The following GPR39 variants were observed in gnomAD, a reference collection of about 807,000 sequenced individuals.
GPR39 encodes the protein zinc sensing receptor.
GPR39 carries 23 observed loss-of-function variants against 18.4 expected under a neutral mutation model. The observed-to-expected ratio is 1.25, with a 90% CI of 0.90 to 1.77. GPR39 has a LOEUF of 1.77. Among genes scored for constraint, GPR39 ranks in the 40% most tolerant of loss-of-function variants. GPR39 has a pLI of 0.00. For missense variants in GPR39, 647 were observed against 602.4 expected (o/e 1.07, Z -0.78); for synonymous variants, 280 against 257.9 (o/e 1.09, Z -0.82).
intron 1 of GPR39, among the ~76,000 whole-genome samples, chr2:132,636,319 G>C (rs536524553): frequency 6.6e-6 from 1 of 152,322 alleles, no homozygotes; most frequent in South Asian, 2.1e-4. Flanking sequence ...GGTTGGGTTG[G>C]AAGGCCAGGC....
At chr2:132,566,833 G>A (rs904014971) in intron 1 of GPR39, among the ~76,000 whole-genome samples, 7 of 152,130 alleles carry the variant, frequency 4.6e-5, no homozygotes, top group Non-Finnish European at 1.0e-4. Flanking sequence ...TTCCCTCCAA[G>A]GCCTTTTCCT....
Position 132,481,901 on chromosome 2 carries a change from T to G in GPR39, c.856+64003T>G, listed in dbSNP as rs116151336. ...TTGTCAGGAAATACTTCCTTGAAGATTAAAGCTATAATTCAGAATCTAAGT... is the reference window on the plus strand; with the variant it reads ...TTGTCAGGAAATACTTCCTTGAAGAGTAAAGCTATAATTCAGAATCTAAGT... On this transcript the variant is annotated intron_variant, in intron 1 of 1. Transcript: ENST00000329321. Among the ~76,000 whole-genome samples, 1,304 of 152,306 alleles carry G rather than the reference T, an allele frequency of 8.6e-3. 23 individuals carry two copies. Among genetic ancestry groups the G allele is most frequent in the African/African-American group, 0.03 (1,232 of 41,550 alleles).
chr2:132,600,972 T>C (rs962990782), intron 1 of GPR39, among the ~76,000 whole-genome samples: 2 of 152,166 alleles, frequency 1.3e-5, no homozygotes, highest in Admixed American at 1.3e-4. Flanking sequence ...ATCTCCAGTG[T>C]CCAGAATATG....
rs138820471 is a variant in GPR39, at chr2:132,448,424, A to G, written c.856+30526A>G. ...TTTGAATTTTCACTTAGGCACATGC[A>G]GAGGCAAAGAGGTCTCCTGTCCATG... On this transcript the variant is annotated intron_variant, in intron 1 of 1. Coordinates refer to ENST00000329321, the MANE Select transcript of GPR39 (RefSeq NM_001508.3). Among the ~76,000 whole-genome samples, 706 of 152,340 alleles carry G rather than the reference A, an allele frequency of 4.6e-3. 9 individuals carry two copies. The highest frequency in any genetic ancestry group is 0.017 in the African/African-American group (688 of 41,590).
rs1553451716 is a variant in GPR39 at position 132,493,161 on chromosome 2, C to CATATATACACCATATATACACCAT, written c.856+75292_856+75315dup. ...ATATATATACATTCCATATATATAC[C>CATATATACACCATATATACACCAT]ATATATACACCATATATACACCATA... On this transcript the variant is annotated intron_variant, in intron 1 of 1. Coordinates refer to ENST00000329321, the MANE Select transcript of GPR39 (RefSeq NM_001508.3). 4.3e-3 allele frequency among the ~76,000 whole-genome samples: 578 copies of CATATATACACCATATATACACCAT among 134,620 alleles called. 12 individuals carry two copies. The highest frequency in any genetic ancestry group is 0.015 in the African/African-American group (522 of 34,584). The allele number at this position is 134,620 out of a possible 152,430, so 88.3% of individuals were successfully genotyped here.
At chr2:132,455,445 T>A (rs1318096383) in intron 1 of GPR39, among the ~76,000 whole-genome samples, 2 of 152,194 alleles carry the variant, frequency 1.3e-5, no homozygotes, top group Non-Finnish European at 2.9e-5. Flanking sequence ...CCTGGAGTCA[T>A]TGAATTTTGA....
intron 1 of GPR39, among the ~76,000 whole-genome samples, chr2:132,453,330 T>C (rs1393937010): frequency 6.6e-6 from 1 of 152,228 alleles, no homozygotes; most frequent in Non-Finnish European, 1.5e-5. Flanking sequence ...TGGGGTTGTT[T>C]GTTTTTTACT....
At chr2:132,488,490 C>T (rs1681388441) in intron 1 of GPR39, 1 of 153,810 alleles carries the variant, frequency 6.5e-6, no homozygotes, top group South Asian at 2.1e-4. Flanking sequence ...GCTGGAATTT[C>T]ATATCCTTTT....
At chr2:132,474,432 A>C (rs960197325) in intron 1 of GPR39, among the ~76,000 whole-genome samples, 3 of 152,160 alleles carry the variant, frequency 2.0e-5, no homozygotes, top group African/African-American at 7.2e-5. Flanking sequence ...GGACGTGGCT[A>C]ATATATGCTT....
At chr2:132,471,821 A>G (rs1298614409) in intron 1 of GPR39, among the ~76,000 whole-genome samples, 3 of 152,118 alleles carry the variant, frequency 2.0e-5, no homozygotes, top group South Asian at 2.1e-4. Flanking sequence ...GTGTGAGACA[A>G]TGTTTTCGGT....
chr2:132,416,999 A>T lies in GPR39; in HGVS notation c.-44A>T. 6.3e-7 allele frequency: 1 copy of T among 1,589,834 alleles called. No homozygotes were observed. The highest frequency in any genetic ancestry group is 8.6e-7 in the Non-Finnish European group (1 of 1,166,730). On this transcript the variant is annotated 5_prime_UTR_variant, in exon 1 of 2. The change creates a premature stop within an existing upstream ORF in the 5' untranslated region. Coordinates refer to ENST00000329321, the MANE Select transcript of GPR39 (RefSeq NM_001508.3). ...TGGACGCTGCTGGGAGGAGAAAGGG[A>T]AGTTGAGAAAGTCTTTGGACCTGGT...
chr2:132,453,458 T>C (rs1479752670), intron 1 of GPR39, among the ~76,000 whole-genome samples: 2 of 152,224 alleles, frequency 1.3e-5, no homozygotes, highest in African/African-American at 2.4e-5. Flanking sequence ...GTAGTTTCTT[T>C]TGCTGTGCAG....
intron 1 of GPR39, among the ~76,000 whole-genome samples, chr2:132,545,717 C>T: frequency 6.6e-6 from 1 of 151,378 alleles, no homozygotes; most frequent in East Asian, 1.9e-4. Context: ...TTCTTCTCCA[C>T]TTTCAATGCA....
At chr2:132,593,769 G>T (rs573728445) in intron 1 of GPR39, among the ~76,000 whole-genome samples, 1 of 152,214 alleles carries the variant, frequency 6.6e-6, no homozygotes, top group African/African-American at 2.4e-5. Context: ...CTGGTTGGAG[G>T]ATGAAAACTT....
At chr2:132,542,165 A>G (rs1679871897) in intron 1 of GPR39, among the ~76,000 whole-genome samples, 3 of 152,194 alleles carry the variant, frequency 2.0e-5, no homozygotes, top group African/African-American at 7.2e-5. Context: ...TAGCAGGTGG[A>G]CAGGAAGATT....
At chr2:132,490,736 G>T (rs1189421979) in intron 1 of GPR39, among the ~76,000 whole-genome samples, 1 of 150,718 alleles carries the variant, frequency 6.6e-6, no homozygotes, top group Non-Finnish European at 1.5e-5. Context: ...AGGGAGGTAG[G>T]GTTTCAAGGG....
intron 1 of GPR39, among the ~76,000 whole-genome samples, chr2:132,582,931 T>TC (rs1398347031): frequency 2.7e-5 from 4 of 149,282 alleles, no homozygotes; most frequent in Non-Finnish European, 5.9e-5. Context: ...TTTTTTTTTT[T>TC]TTTTTTGGAG....
intron 1 of GPR39, among the ~76,000 whole-genome samples, chr2:132,438,343 A>G (rs1680369821): frequency 6.6e-6 from 1 of 152,172 alleles, no homozygotes; most frequent in Non-Finnish European, 1.5e-5. Flanking sequence ...TATGTTGCCC[A>G]GGCTGGCCTT....
intron 1 of GPR39, among the ~76,000 whole-genome samples, chr2:132,489,294 G>C (rs568110658): frequency 6.6e-6 from 1 of 152,034 alleles, no homozygotes; most frequent in African/African-American, 2.4e-5. Flanking sequence ...ATTGGCAGGC[G>C]CCGGCGCTGT....
Sources: gnomAD v4.1 joint callset for allele counts (sites outside exome capture counted in the v4.1 genomes callset) on GRCh38, gnomAD v4.1.1 for gene constraint, MANE v1.5 for transcripts, NCBI Gene and HGNC (gene_info 2026-07-23, HGNC 2026-07-21) for gene names.